The following MDGA2 variants were observed in gnomAD, a reference collection of about 807,000 sequenced individuals.
MDGA2 encodes MAM domain containing glycosylphosphatidylinositol anchor 2.
MDGA2 carries 40 observed loss-of-function variants against 117.8 expected under a neutral mutation model. That is an observed-to-expected ratio of 0.34 (90% confidence interval 0.26 to 0.44). MDGA2 has a LOEUF of 0.44. Among genes scored for constraint, MDGA2 ranks in the 20% least tolerant of loss-of-function variants. MDGA2 has a pLI of 1.00. For synonymous variants in MDGA2, 452 were observed against 439.0 expected (o/e 1.03, Z -0.37); for missense variants, 1,123 against 1,250.6 (o/e 0.90, Z 1.54).
chr14:47,326,861 C>T (rs553848867), intron 1 of MDGA2, among the ~76,000 whole-genome samples: 3 of 152,196 alleles, frequency 2.0e-5, no homozygotes, highest in Admixed American at 1.3e-4. Flanking sequence ...ACAGAGAAAT[C>T]ATTAATTTTA....
intron 2 of MDGA2, among the ~76,000 whole-genome samples, chr14:47,267,374 T>C (rs995791905): frequency 1.9e-4 from 29 of 152,322 alleles, no homozygotes; most frequent in African/African-American, 7.0e-4. Flanking sequence ...ATTCATTTTA[T>C]TGAATGTTTT....
At chr14:47,502,619 T>C (rs1219095539) in intron 1 of MDGA2, among the ~76,000 whole-genome samples, 1 of 152,222 alleles carries the variant, frequency 6.6e-6, no homozygotes, top group Non-Finnish European at 1.5e-5. Context: ...GAATCCAGTA[T>C]AACATTTTAA....
intron 3 of MDGA2, among the ~76,000 whole-genome samples, chr14:47,217,408 C>A (rs1886133144): frequency 6.6e-6 from 1 of 151,854 alleles, no homozygotes; most frequent in Non-Finnish European, 1.5e-5. Context: ...AAAATATTAT[C>A]ATCAAGAGCA....
At chr14:47,430,728 T>C (rs1357455960) in intron 1 of MDGA2, among the ~76,000 whole-genome samples, 2 of 152,114 alleles carry the variant, frequency 1.3e-5, no homozygotes, top group African/African-American at 4.8e-5. Context: ...TTCATGGCAA[T>C]TGAAAGTCTT....
At chr14:46,929,599 G>GTGTA (rs1421698077) in intron 9 of MDGA2, among the ~76,000 whole-genome samples, 1 of 15,254 alleles carries the variant, frequency 6.6e-5, no homozygotes, top group African/African-American at 2.1e-4. Flanking sequence ...GTGTGTGTGT[G>GTGTA]TGTATATATA....
chr14:47,358,053 T>C (rs1045982944), intron 1 of MDGA2, among the ~76,000 whole-genome samples: 24 of 152,284 alleles, frequency 1.6e-4, no homozygotes, highest in Admixed American at 1.4e-3. Context: ...TTTCAAAAAA[T>C]TCCAGGAAGA....
At chr14:47,271,869 G>A (rs978150673) in intron 2 of MDGA2, among the ~76,000 whole-genome samples, 5 of 152,052 alleles carry the variant, frequency 3.3e-5, no homozygotes, top group Non-Finnish European at 5.9e-5. Context: ...CAGAAAAACT[G>A]TTTTAATCTA....
intron 6 of MDGA2, among the ~76,000 whole-genome samples, chr14:47,077,763 A>G (rs1594595878): frequency 6.6e-6 from 1 of 152,080 alleles, no homozygotes; most frequent in African/African-American, 2.4e-5. Context: ...GTCATATATT[A>G]CACAGTAAAC....
intron 1 of MDGA2, among the ~76,000 whole-genome samples, chr14:47,370,932 C>A (rs185159702): frequency 6.6e-6 from 1 of 151,794 alleles, no homozygotes; most frequent in East Asian, 1.9e-4. Context: ...TGTCTCGAAC[C>A]TTATTACAAA....
intron 2 of MDGA2, among the ~76,000 whole-genome samples, chr14:47,261,416 G>T: frequency 6.6e-6 from 1 of 152,156 alleles, no homozygotes; most frequent in South Asian, 2.1e-4. Context: ...CAAGGAAAAA[G>T]GTAATGCAAT....
intron 1 of MDGA2, among the ~76,000 whole-genome samples, chr14:47,397,635 C>A (rs1892043009): frequency 6.6e-6 from 1 of 151,886 alleles, no homozygotes; most frequent in Non-Finnish European, 1.5e-5. Context: ...CTTTATAGAT[C>A]AATAGATAAG....
chr14:47,420,654 C>A (rs995563474), intron 1 of MDGA2, among the ~76,000 whole-genome samples: 35 of 151,962 alleles, frequency 2.3e-4, no homozygotes, highest in African/African-American at 8.2e-4. Context: ...TGTAGGACTC[C>A]TTTTCTCACT....
At chr14:47,601,192 T>C (rs1309476001) in intron 1 of MDGA2, among the ~76,000 whole-genome samples, 1 of 152,110 alleles carries the variant, frequency 6.6e-6, no homozygotes, top group Non-Finnish European at 1.5e-5. Flanking sequence ...GGCCATCAGC[T>C]AAATAGAGAT....
intron 3 of MDGA2, among the ~76,000 whole-genome samples, chr14:47,212,008 C>T (rs1010677093): frequency 2.0e-5 from 3 of 151,980 alleles, no homozygotes; most frequent in Admixed American, 1.3e-4. Flanking sequence ...CCACAAAATT[C>T]AGTGGAGCTA....
chr14:47,083,301 C>T (rs887675210), intron 6 of MDGA2, among the ~76,000 whole-genome samples: 7 of 151,586 alleles, frequency 4.6e-5, no homozygotes, highest in African/African-American at 1.7e-4. Context: ...CTAAAGATAA[C>T]AAAGAAACTC....
rs1555329900 is a variant in MDGA2 at position 46,864,551 on chromosome 14, T to TTTTG, written c.2752+8881_2752+8882insCAAA. Among the ~76,000 whole-genome samples, 57 of 35,092 alleles carry TTTTG rather than the reference T, an allele frequency of 1.6e-3. 5 individuals carry two copies. Among genetic ancestry groups the TTTTG allele is most frequent in the African/African-American group, 0.011 (55 of 5,152 alleles). The allele number at this position is 35,092 out of a possible 152,430, so 23.0% of individuals were successfully genotyped here. ...GCGCTTTGCAGATATTGCTGTTTTT[T>TTTTG]TTTTTTTTTTTTTTTTTTTTTACAA... On this transcript the variant is annotated intron_variant, in intron 14 of 16. Coordinates refer to ENST00000399232, the MANE Select transcript of MDGA2 (RefSeq NM_001113498.3).
chr14:46,864,701 C>G (rs139923162), intron 14 of MDGA2, among the ~76,000 whole-genome samples: 12 of 150,252 alleles, frequency 8.0e-5, no homozygotes, highest in Non-Finnish European at 1.3e-4. Context: ...CATTAAATAC[C>G]AACAGGACTT....
intron 10 of MDGA2, among the ~76,000 whole-genome samples, chr14:46,917,700 G>T (rs904246017): frequency 6.6e-6 from 1 of 152,158 alleles, no homozygotes; most frequent in Non-Finnish European, 1.5e-5. Context: ...ACTGAGAAAT[G>T]TGTGTCACTG....
chr14:47,161,094 A>C (rs2139275251), intron 3 of MDGA2, among the ~76,000 whole-genome samples: 1 of 152,116 alleles, frequency 6.6e-6, no homozygotes, highest in Non-Finnish European at 1.5e-5. Flanking sequence ...AAATAACCAG[A>C]TTTGCATTTT....
Sources: allele counts gnomAD v4.1 joint callset (sites outside exome capture counted in the v4.1 genomes callset), GRCh38; gene constraint gnomAD v4.1.1; transcripts MANE v1.5; gene names NCBI Gene and HGNC (gene_info 2026-07-23, HGNC 2026-07-21).